SLC44A3: variants seen among roughly 807,000 people sequenced by gnomAD.
SLC44A3 encodes the protein choline transporter-like protein 3.
In SLC44A3, 74 loss-of-function variants were observed where a neutral mutation model predicts 75.4. The observed-to-expected ratio is 0.98, with a 90% CI of 0.81 to 1.19. The LOEUF is 1.19. Among genes scored for constraint, SLC44A3 ranks in the 50% most tolerant of loss-of-function variants. The pLI, the probability that SLC44A3 is intolerant of heterozygous loss-of-function variation, is 0.00. For synonymous variants in SLC44A3, 310 were observed against 296.9 expected (o/e 1.04, Z -0.45); for missense variants, 700 against 778.6 (o/e 0.90, Z 1.20).
In SLC44A3 at chr1:94,824,092, G is replaced by GA. The variant is rs75458646; in HGVS notation, c.136-389dup. ...GAAAAGAAAAACAAAAAAAGTAGTA[G>GA]AAAAAAAAAAAACCTTGGGGAAAGA... On this transcript the variant is annotated intron_variant, in intron 2 of 14. Transcript: ENST00000271227. 5.7e-3 allele frequency among the ~76,000 whole-genome samples: 741 copies of GA among 129,648 alleles called. 6 individuals carry two copies. The highest frequency in any genetic ancestry group is 0.011 in the African/African-American group (378 of 35,326). 85.1% of individuals were successfully genotyped at this position (129,648 alleles called of 152,430 possible). A position where few individuals can be genotyped will look rare whatever the true frequency, so the allele number is the denominator to read the frequency against.
intron 11 of SLC44A3, among the ~76,000 whole-genome samples, chr1:94,865,411 T>C (rs1386807547): frequency 6.6e-6 from 1 of 152,094 alleles, no homozygotes; most frequent in Non-Finnish European, 1.5e-5. Context: ...GGAGAGGGTT[T>C]GAATGAGAGT....
chr1:94,877,788 G>A (rs897882005), intron 12 of SLC44A3, among the ~76,000 whole-genome samples: 3 of 152,162 alleles, frequency 2.0e-5, no homozygotes, highest in Non-Finnish European at 4.4e-5. Context: ...TGGCATGGGT[G>A]GGGTAGAGAG....
chr1:94,879,221 A>AT (rs1668660273), intron 12 of SLC44A3, among the ~76,000 whole-genome samples: 1 of 151,846 alleles, frequency 6.6e-6, no homozygotes, highest in Non-Finnish European at 1.5e-5. Flanking sequence ...CTACAAAAAA[A>AT]AAAAACCCGA....
rs1670341359 is a variant in SLC44A3, at chr1:94,892,609, G to A, written c.1857+92G>A. The A allele has an allele frequency of 7.2e-6, 9 of 1,256,690 alleles. No individual in the cohort carries two copies. The Admixed American group carries it at 1.7e-4, about 23-fold the overall frequency. 77.8% of individuals were successfully genotyped at this position (1,256,690 alleles called of 1,614,324 possible). A position where few individuals can be genotyped will look rare whatever the true frequency, so the allele number is the denominator to read the frequency against. On this transcript the variant is annotated intron_variant, in intron 14 of 14. Coordinates refer to ENST00000271227, the MANE Select transcript of SLC44A3 (RefSeq NM_001114106.3). ...CACACACGAAAGAGGCTCATACCCAGCCTCTCTCTTCTAGAGGGCTCTGAG... is the reference window on the plus strand; with the variant it reads ...CACACACGAAAGAGGCTCATACCCAACCTCTCTCTTCTAGAGGGCTCTGAG...
intron 12 of SLC44A3, among the ~76,000 whole-genome samples, chr1:94,876,232 A>C (rs546863093): frequency 1.3e-5 from 2 of 152,358 alleles, no homozygotes; most frequent in East Asian, 3.9e-4. Context: ...AGTGCTCAAG[A>C]AATGTGAAGA....
At chr1:94,840,334 G>A (rs371619924) in intron 7 of SLC44A3, among the ~76,000 whole-genome samples, 1 of 118,974 alleles carries the variant, frequency 8.4e-6, no homozygotes, top group East Asian at 2.7e-4. Flanking sequence ...TTGTTGCCCA[G>A]GCTGGAGTGC....
intron 7 of SLC44A3, among the ~76,000 whole-genome samples, chr1:94,840,788 CA>C (rs2101051824): frequency 6.6e-6 from 1 of 152,352 alleles, no homozygotes; most frequent in Non-Finnish European, 1.5e-5. Flanking sequence ...AGCCAGAAGA[CA>C]CACAGGCCTG....
chr1:94,846,559 GTGATGCAGT>G (rs1342884140), intron 9 of SLC44A3, among the ~76,000 whole-genome samples: 6 of 152,378 alleles, frequency 3.9e-5, no homozygotes, highest in East Asian at 1.9e-4. Flanking sequence ...GATGTGCTTA[GTGATGCAGT>G]TGATCTACAT....
intron 12 of SLC44A3, among the ~76,000 whole-genome samples, chr1:94,887,103 C>T (rs924573930): frequency 6.6e-6 from 1 of 152,026 alleles, no homozygotes; most frequent in Non-Finnish European, 1.5e-5. Flanking sequence ...TATGGCCAAT[C>T]ATTTCCACAT....
intron 5 of SLC44A3, among the ~76,000 whole-genome samples, chr1:94,833,887 A>G (rs1014091532): frequency 6.6e-6 from 1 of 152,168 alleles, no homozygotes; most frequent in African/African-American, 2.4e-5. Context: ...ATCTTAGGAT[A>G]GTGTGTAGAG....
rs190859111 is a variant in SLC44A3, at chr1:94,842,123, C to T, written c.884C>T (p.Thr295Met). 61 of 1,604,216 alleles carry T rather than the reference C, an allele frequency of 3.8e-5. 1 individual carries two copies. The East Asian group carries it at 3.8e-4, about 10-fold the overall frequency. Residue 295 changes from threonine to methionine, a missense_variant and splice_region_variant, in exon 8 of 15, where the codon ACG (threonine) becomes ATG (methionine). Physicochemically the swap from Thr to Met is moderately conservative, Grantham distance 81. Transcript: ENST00000271227. ...TTTGCTATCGTATCCACAGGCATCACGGTAAGAAATGCTCTTCTAGCAGTA... is the reference window on the plus strand; with the variant it reads ...TTTGCTATCGTATCCACAGGCATCATGGTAAGAAATGCTCTTCTAGCAGTA... ...LGFAIVSTGITAVLLVLIFVL... is the reference protein window; with the variant it reads ...LGFAIVSTGIMAVLLVLIFVL...
chr1:94,824,449 C>T (rs1661028059), intron 2 of SLC44A3, 44 bp from the exon 3 acceptor site: 2 of 1,550,460 alleles, frequency 1.3e-6, no homozygotes, highest in African/African-American at 1.4e-5. Context: ...GCACTGTGCG[C>T]TCAGCCCTTT....
rs141783770 is a variant in SLC44A3, at chr1:94,834,352, G to A, written c.510-3359G>A. Among the ~76,000 whole-genome samples the A allele has an allele frequency of 2.7e-4, 41 of 152,274 alleles. 1 individual carries two copies. Among genetic ancestry groups the A allele is most frequent in the African/African-American group, 7.5e-4 (31 of 41,546 alleles). The stretch of plus-strand genomic sequence containing the variant: ...CTTGTCAAAAGGACACAGATGACTC[G>A]TAGTGGCCAAAGCTGGAATAGATTG... On this transcript the variant is annotated intron_variant, in intron 5 of 14. Transcript: ENST00000271227.
intron 6 of SLC44A3, 95 bp downstream of exon 6, chr1:94,837,966 T>A: frequency 1.7e-6 from 2 of 1,156,230 alleles, no homozygotes; most frequent in Non-Finnish European, 2.4e-6. Context: ...GCCTCTTGTT[T>A]TAAATATAAA....
intron 9 of SLC44A3, among the ~76,000 whole-genome samples, chr1:94,850,116 A>G (rs1665012872): frequency 6.6e-6 from 1 of 152,054 alleles, no homozygotes; most frequent in African/African-American, 2.4e-5. Flanking sequence ...TGGGTTGATC[A>G]TTTTTGCCCA....
At position 94,874,876 on chromosome 1, in the gene SLC44A3, A is replaced by G. The variant is rs532139080; in HGVS notation, c.1482+7459A>G. 5.3e-5 allele frequency among the ~76,000 whole-genome samples: 8 copies of G among 152,366 alleles called. No individual in the cohort carries two copies. In the East Asian group the frequency reaches 1.4e-3, roughly 26 times the overall value. On this transcript the variant is annotated intron_variant, in intron 12 of 14. Coordinates refer to ENST00000271227, the MANE Select transcript of SLC44A3 (RefSeq NM_001114106.3). ...TGAAGTTTTGAAGACCCAGTAAGTC[A>G]TTTCCTCTTCCTTGTCCAAGTTCTG...
chr1:94,867,342 A>G lies in SLC44A3; in HGVS notation c.1407A>G (p.Ala469=), dbSNP rs368188775. 2 of 1,590,740 alleles carry G rather than the reference A, an allele frequency of 1.3e-6. No homozygotes were observed. Among genetic ancestry groups the G allele is most frequent in the Non-Finnish European group, 1.7e-6 (2 of 1,166,160 alleles). ...TCAACCTGATCCAGCAGCATGGTGCATTGTCCAGGTACCTGTTCCGATGCT... is the reference window on the plus strand; with the variant it reads ...TCAACCTGATCCAGCAGCATGGTGCGTTGTCCAGGTACCTGTTCCGATGCT... The part of the protein sequence containing the change: ...QNALKEQQHG[A]LSRYLFRCCY... The change falls in exon 12 of 15, where the codon GCA becomes GCG. Residue 469 remains alanine (A), a synonymous_variant. Coordinates refer to ENST00000271227, the MANE Select transcript of SLC44A3 (RefSeq NM_001114106.3).
At chr1:94,837,611 A>T in intron 5 of SLC44A3, 100 bp from the exon 6 acceptor site, 3 of 1,183,334 alleles carry the variant, frequency 2.5e-6, no homozygotes, top group Non-Finnish European at 3.4e-6. Flanking sequence ...CTATTACTGT[A>T]GTTCTTAAGC....
chr1:94,821,267 T>C (rs1015570051), intron 2 of SLC44A3, among the ~76,000 whole-genome samples: 2 of 152,182 alleles, frequency 1.3e-5, no homozygotes, highest in African/African-American at 4.8e-5. Flanking sequence ...AAGGGGTGAC[T>C]CCATTAGGAA....
Sources: gnomAD v4.1 joint callset for allele counts (sites outside exome capture counted in the v4.1 genomes callset) on GRCh38, gnomAD v4.1.1 for gene constraint, MANE v1.5 for transcripts, NCBI Gene and HGNC (gene_info 2026-07-23, HGNC 2026-07-21) for gene names.